CCSER1: variants seen among roughly 807,000 people sequenced by gnomAD.
The protein encoded by CCSER1 is coiled-coil serine rich protein 1.
Under a neutral mutation model 82.0 loss-of-function variants are expected in CCSER1, and 41 were observed. The observed-to-expected ratio is 0.50, with a 90% confidence interval of 0.39 to 0.65. The LOEUF is 0.65. Ranked by LOEUF, CCSER1 falls within the 30% of genes least tolerant of loss-of-function variation. The pLI is 0.00. For missense variants in CCSER1, 1,119 were observed against 1,064.2 expected, an observed-to-expected ratio of 1.05 and a Z score of -0.72; for synonymous variants, 414 against 383.9, an observed-to-expected ratio of 1.08 and a Z score of -0.92.
At chr4:91,503,485 G>T (rs1294995865) in intron 10 of CCSER1, among the ~76,000 whole-genome samples, 1 of 152,088 alleles carries the variant, frequency 6.6e-6, no homozygotes, top group East Asian at 1.9e-4. Context: ...ATAAATGTGA[G>T]AAATGTCAGT....
rs111985864 is a variant in CCSER1, at chr4:91,560,360, T to G, written c.2218-38212T>G. ...TTTTTCCTTTTGAAGCTTGATTATTTGGCATTGATATTTTGTCTGAAACAT... is the reference window on the plus strand; with the variant it reads ...TTTTTCCTTTTGAAGCTTGATTATTGGGCATTGATATTTTGTCTGAAACAT... On this transcript the variant is annotated intron_variant, in intron 10 of 10. Transcript: ENST00000509176. Among the ~76,000 whole-genome samples the G allele has an allele frequency of 8.9e-3, 1,349 of 151,652 alleles. 7 individuals are homozygous for G. Among genetic ancestry groups the G allele is most frequent in the Middle Eastern group, 0.017 (5 of 294 alleles).
In CCSER1 at chr4:90,438,314, CAATT is replaced by C. The variant is rs569136174; in HGVS notation, c.1604-29916_1604-29913del. 1.6e-3 allele frequency among the ~76,000 whole-genome samples: 248 copies of C among 152,120 alleles called. 1 individual carries two copies. Among genetic ancestry groups the C allele is most frequent in the African/African-American group, 5.8e-3 (239 of 41,536 alleles). ...ATTCATTGCTATTAATAGGGTAAAA[CAATT>C]AATGGAGTAATTTTATTTTAAGGGT... On this transcript the variant is annotated intron_variant, in intron 4 of 10. Coordinates refer to ENST00000509176, the MANE Select transcript of CCSER1 (RefSeq NM_001145065.2).
chr4:90,275,093 G>A (rs1727289272), intron 1 of CCSER1, among the ~76,000 whole-genome samples: 1 of 152,038 alleles, frequency 6.6e-6, no homozygotes, highest in Non-Finnish European at 1.5e-5. Flanking sequence ...AATTGCTATG[G>A]TGACAAAGAA....
intron 1 of CCSER1, among the ~76,000 whole-genome samples, chr4:90,184,275 T>C (rs1240591096): frequency 1.3e-5 from 2 of 152,132 alleles, no homozygotes; most frequent in Non-Finnish European, 2.9e-5. Context: ...CAAAACACAG[T>C]ACTGGCCAAT....
intron 5 of CCSER1, among the ~76,000 whole-genome samples, chr4:90,529,758 T>C (rs1774257977): frequency 6.6e-6 from 1 of 152,072 alleles, no homozygotes; most frequent in Non-Finnish European, 1.5e-5. Context: ...TTCATTACTT[T>C]TCAGCTCCTC....
At chr4:90,391,293 A>G (rs1338479123) in intron 3 of CCSER1, among the ~76,000 whole-genome samples, 5 of 147,006 alleles carry the variant, frequency 3.4e-5, no homozygotes, top group South Asian at 2.1e-4. Context: ...AAAAGAAAAA[A>G]AAAGAAAAAG....
chr4:91,496,436 A>C (rs1758812360), intron 10 of CCSER1, among the ~76,000 whole-genome samples: 1 of 149,160 alleles, frequency 6.7e-6, no homozygotes, highest in African/African-American at 2.4e-5. Flanking sequence ...ACTACAATTT[A>C]ATTATATTTT....
At chr4:91,206,932 C>T (rs969586892) in intron 10 of CCSER1, among the ~76,000 whole-genome samples, 1 of 151,818 alleles carries the variant, frequency 6.6e-6, no homozygotes, top group Non-Finnish European at 1.5e-5. Flanking sequence ...GTAGTACTCA[C>T]CTTTAAGTTC....
chr4:90,931,878 T>C (rs1160460654), intron 9 of CCSER1, among the ~76,000 whole-genome samples: 5 of 152,164 alleles, frequency 3.3e-5, no homozygotes, highest in African/African-American at 1.2e-4. Context: ...ATAACTGATA[T>C]TGATTTGAGA....
intron 9 of CCSER1, among the ~76,000 whole-genome samples, chr4:90,958,242 G>A (rs73834708): frequency 0.033 from 5,036 of 152,210 alleles, 258 homozygotes; most frequent in African/African-American, 0.11. Flanking sequence ...TAACTAGGTC[G>A]TGAAACAACT....
At chr4:91,307,455 G>A (rs915742631) in intron 10 of CCSER1, among the ~76,000 whole-genome samples, 1 of 151,862 alleles carries the variant, frequency 6.6e-6, no homozygotes, top group Non-Finnish European at 1.5e-5. Flanking sequence ...TAAGCAAATT[G>A]TTACAGCTGT....
intron 10 of CCSER1, among the ~76,000 whole-genome samples, chr4:91,157,480 G>A (rs1187323374): frequency 6.6e-6 from 1 of 151,632 alleles, no homozygotes; most frequent in African/African-American, 2.4e-5. Flanking sequence ...TTTCTCTTAG[G>A]ATTTAAATGT....
At chr4:91,388,829 G>T (rs1751470280) in intron 10 of CCSER1, among the ~76,000 whole-genome samples, 1 of 151,768 alleles carries the variant, frequency 6.6e-6, no homozygotes, top group South Asian at 2.1e-4. Context: ...TGGTTATTCT[G>T]GGTCTTTTGT....
intron 10 of CCSER1, among the ~76,000 whole-genome samples, chr4:91,119,011 T>G (rs188410698): frequency 6.6e-6 from 1 of 152,282 alleles, no homozygotes; most frequent in Non-Finnish European, 1.5e-5. Flanking sequence ...TAAATTTCCT[T>G]CCTTAAAAGA....
intron 5 of CCSER1, among the ~76,000 whole-genome samples, chr4:90,592,405 A>G (rs1560775501): frequency 2.6e-5 from 4 of 152,104 alleles, no homozygotes; most frequent in Non-Finnish European, 5.9e-5. Context: ...TGTTAAATTA[A>G]CAGCTTTAAA....
chr4:91,346,272 C>G (rs555688837), intron 10 of CCSER1, among the ~76,000 whole-genome samples: 2 of 152,242 alleles, frequency 1.3e-5, no homozygotes, highest in East Asian at 3.9e-4. Context: ...ACCTCAGCCT[C>G]CCAAAGTGCT....
At chr4:90,127,860 C>T (rs1431325409) in intron 1 of CCSER1, 29 bp downstream of exon 1, 2 of 152,166 alleles carry the variant, frequency 1.3e-5, no homozygotes, top group African/African-American at 4.8e-5. Context: ...CCTCAGCGCT[C>T]AGCGGGTCGC....
At chr4:90,220,468 T>C (rs914183575) in intron 1 of CCSER1, among the ~76,000 whole-genome samples, 1 of 152,136 alleles carries the variant, frequency 6.6e-6, no homozygotes, top group Non-Finnish European at 1.5e-5. Context: ...TTTGCTTTTT[T>C]TTTTGCTTTC....
chr4:91,229,634 A>C (rs1738467461), intron 10 of CCSER1, among the ~76,000 whole-genome samples: 2 of 152,132 alleles, frequency 1.3e-5, no homozygotes, highest in Non-Finnish European at 1.5e-5. Context: ...GCACATATAC[A>C]CCATGGAATA....
Sources: allele counts gnomAD v4.1 joint callset (sites outside exome capture counted in the v4.1 genomes callset), GRCh38; gene constraint gnomAD v4.1.1; transcripts MANE v1.5; gene names NCBI Gene and HGNC (gene_info 2026-07-23, HGNC 2026-07-21).